MAPT: variants seen among roughly 807,000 people sequenced by gnomAD.
MAPT encodes the protein microtubule associated protein tau.
A neutral mutation model predicts 67.9 loss-of-function variants in MAPT; 34 were observed. That is an observed-to-expected ratio of 0.50 (90% CI 0.38 to 0.67). The LOEUF (loss-of-function observed/expected upper bound fraction) is 0.67. MAPT is among the 30% of genes least tolerant of loss of function. The probability of loss-of-function intolerance (pLI) is 0.00; values close to 1 mark genes in which losing one functional copy is unlikely to be tolerated. For missense variants in MAPT, 881 were observed against 1,115.2 expected (o/e 0.79, Z 2.99); for synonymous variants, 456 against 464.5 (o/e 0.98, Z 0.23).
intron 1 of MAPT, among the ~76,000 whole-genome samples, chr17:45,904,386 T>A (rs1350615111): frequency 1.8e-5 from 2 of 110,914 alleles, no homozygotes; most frequent in Non-Finnish European, 3.5e-5. Context: ...TTATATATAT[T>A]ATATATATAT....
chr17:45,983,985 G>T (rs975929554), intron 5 of MAPT, 55 bp downstream of exon 5: 4 of 1,431,194 alleles, frequency 2.8e-6, no homozygotes, highest in Non-Finnish European at 3.8e-6. Flanking sequence ...GGCCTCCCAG[G>T]CTGCGGGCAC....
At position 45,971,755 on chromosome 17, in the gene MAPT, G is replaced by A. The variant is rs944167539; in HGVS notation, c.134-104G>A. ...CGTGTTCCAGCTGTTTCCACAGGGA[G>A]CGATTTTCAGCTCCACAGGACACTG... On this transcript the variant is annotated intron_variant, in intron 2 of 12. Transcript: ENST00000262410. The surrounding 1 kb of genome is among the most constrained non-coding windows in gnomAD (Gnocchi z 4.3). 4.8e-6 allele frequency: 4 copies of A among 837,596 alleles called. No individual in the cohort carries two copies. Among genetic ancestry groups the A allele is most frequent in the Non-Finnish European group, 8.2e-6 (4 of 487,634 alleles). The allele number at this position is 837,596 out of a possible 1,614,324, so 51.9% of individuals were successfully genotyped here. A position where few individuals can be genotyped will look rare whatever the true frequency, so the allele number is the denominator to read the frequency against.
At chr17:45,957,753 T>C (rs1303628857) in intron 1 of MAPT, among the ~76,000 whole-genome samples, 1 of 152,130 alleles carries the variant, frequency 6.6e-6, no homozygotes, top group African/African-American at 2.4e-5. Context: ...CATACTGTGC[T>C]CTTGGGTGGG....
At position 45,946,615 on chromosome 17, in the gene MAPT, A is replaced by AAAAATATAT; in HGVS notation, c.-17-15705_-17-15704insAAATATATA. 2.0e-4 allele frequency among the ~76,000 whole-genome samples: 20 copies of AAAAATATAT among 100,402 alleles called. 2 individuals are homozygous for AAAAATATAT. Among genetic ancestry groups the AAAAATATAT allele is most frequent in the African/African-American group, 8.3e-4 (19 of 22,990 alleles). 65.9% of individuals were successfully genotyped at this position (100,402 alleles called of 152,430 possible). A position where few individuals can be genotyped will look rare whatever the true frequency, so the allele number is the denominator to read the frequency against. On this transcript the variant is annotated intron_variant, in intron 1 of 12. Transcript: ENST00000262410. The stretch of plus-strand genomic sequence containing the variant: ...CTCTGTCTTAAAAAAAAAAAAAAAA[A>AAAAATATAT]ATATATATATATATATATATATATG...
At chr17:46,013,044 G>T (rs185022506) in intron 10 of MAPT, among the ~76,000 whole-genome samples, 1 of 152,144 alleles carries the variant, frequency 6.6e-6, no homozygotes, top group African/African-American at 2.4e-5. Context: ...AAAATAATTC[G>T]GGATGGTTCC....
rs769855978 is a variant in MAPT at position 45,915,692 on chromosome 17, G to A, written c.-18+21006G>A. ...TAGAGGGCTCTCCTGGAGTCAGAGG[G>A]GGTGGGTAGGAGGAGAAGGGAGGTG... On this transcript the variant is annotated intron_variant, in intron 1 of 12. Transcript: ENST00000262410. The surrounding 1 kb of genome is among the most constrained non-coding windows in gnomAD (Gnocchi z 4.4). 1.3e-5 allele frequency among the ~76,000 whole-genome samples: 2 copies of A among 152,056 alleles called. No homozygotes were observed. Among genetic ancestry groups the A allele is most frequent in the Admixed American group, 6.6e-5 (1 of 15,258 alleles).
At chr17:45,946,273 C>G (rs1036698701) in intron 1 of MAPT, among the ~76,000 whole-genome samples, 3 of 152,026 alleles carry the variant, frequency 2.0e-5, no homozygotes, top group Admixed American at 1.3e-4. Flanking sequence ...CTCACACAAC[C>G]ACTGTCATCC....
At chr17:45,951,151 A>G (rs2069033349) in intron 1 of MAPT, among the ~76,000 whole-genome samples, 1 of 152,224 alleles carries the variant, frequency 6.6e-6, no homozygotes, top group Non-Finnish European at 1.5e-5. Flanking sequence ...AATATCCAGA[A>G]GAGATACATC....
chr17:46,025,601 C>A lies in MAPT; in HGVS notation c.*1430C>A, dbSNP rs947652453. 10 of 152,630 alleles carry A rather than the reference C, an allele frequency of 6.6e-5. No individual in the cohort carries two copies. Among genetic ancestry groups the A allele is most frequent in the African/African-American group, 2.4e-4 (10 of 41,440 alleles). The allele number at this position is 152,630 out of a possible 1,614,324, so 9.5% of individuals were successfully genotyped here. On this transcript the variant is annotated 3_prime_UTR_variant, in exon 13 of 13. Transcript: ENST00000262410. ...TCGGTTCCCTGTCTCCTCCTCCCGTCACAGATGTGAGCCAGGGCACTGCTC... is the reference window on the plus strand; with the variant it reads ...TCGGTTCCCTGTCTCCTCCTCCCGTAACAGATGTGAGCCAGGGCACTGCTC...
At chr17:45,974,271 G>A (rs1007611136) in intron 3 of MAPT, 9 of 783,680 alleles carry the variant, frequency 1.1e-5, no homozygotes, top group Non-Finnish European at 2.0e-5. Flanking sequence ...TCTGGCATAT[G>A]GCTGATCCCC....
chr17:45,991,629 C>G (rs1291754952), intron 8 of MAPT, 43 bp downstream of exon 8: 3 of 1,613,870 alleles, frequency 1.9e-6, no homozygotes, highest in Non-Finnish European at 2.5e-6. Flanking sequence ...AGCTGAAGCT[C>G]TCAGAGGTAC....
chr17:45,903,948 T>C (rs1330744997), intron 1 of MAPT, among the ~76,000 whole-genome samples: 2 of 14,784 alleles, frequency 1.4e-4, no homozygotes, highest in African/African-American at 6.1e-4. Flanking sequence ...ATATATAATA[T>C]ATATTATATA....
At position 45,941,604 on chromosome 17, in the gene MAPT, T is replaced by C. The variant is rs1320366958; in HGVS notation, c.-17-20717T>C. 7.3e-4 allele frequency among the ~76,000 whole-genome samples: 92 copies of C among 126,136 alleles called. 2 individuals carry two copies. The highest frequency in any genetic ancestry group is 2.6e-3 in the African/African-American group (82 of 31,552). The allele number at this position is 126,136 out of a possible 152,430, so 82.8% of individuals were successfully genotyped here. On this transcript the variant is annotated intron_variant, in intron 1 of 12. Transcript: ENST00000262410. ...CCTTTGCCCGCCCTTCCTTCCTTCC[T>C]TCCCTCCCTCCCCCCTTCCCTCCTT...
intron 9 of MAPT, chr17:45,999,520 G>A: frequency 6.2e-7 from 1 of 1,613,914 alleles, no homozygotes; most frequent in Admixed American, 1.7e-5. Flanking sequence ...TTACAGCTCT[G>A]AAGAGAGCAG....
intron 11 of MAPT, 23 bp downstream of exon 11, chr17:46,014,347 T>C (rs1303821345): frequency 1.3e-6 from 2 of 1,582,528 alleles, no homozygotes; most frequent in Non-Finnish European, 8.7e-7. Flanking sequence ...AAGGTGAGGG[T>C]TGGGACGGGA....
chr17:45,918,210 T>C (rs1216482856), intron 1 of MAPT, among the ~76,000 whole-genome samples: 1 of 152,246 alleles, frequency 6.6e-6, no homozygotes, highest in Non-Finnish European at 1.5e-5. Context: ...TCCCTGCACC[T>C]GGCTGGTCTG....
chr17:46,012,197 C>T (rs733966), intron 10 of MAPT, among the ~76,000 whole-genome samples: 21,812 of 152,238 alleles, frequency 0.14, 2,132 homozygotes, highest in Non-Finnish European at 0.22. Flanking sequence ...GCTGCTGAGG[C>T]GGAGCTGGGG....
intron 1 of MAPT, among the ~76,000 whole-genome samples, chr17:45,918,531 A>G (rs2065400629): frequency 6.6e-6 from 1 of 152,214 alleles, no homozygotes; most frequent in Non-Finnish European, 1.5e-5. Flanking sequence ...CAGAGCGCAC[A>G]GCCAGCAACT....
At chr17:45,941,741 T>G (rs111825734) in intron 1 of MAPT, among the ~76,000 whole-genome samples, 16,426 of 129,534 alleles carry the variant, frequency 0.13, 1,618 homozygotes, top group Non-Finnish European at 0.19. Flanking sequence ...CTTCCTTCCT[T>G]CCTTCCTTCC....
Sources: allele counts gnomAD v4.1 joint callset (sites outside exome capture counted in the v4.1 genomes callset), GRCh38; gene constraint gnomAD v4.1.1; non-coding constraint Gnocchi (gnomAD v3.1); transcripts MANE v1.5; gene names NCBI Gene and HGNC (gene_info 2026-07-23, HGNC 2026-07-21).